Variants in P2RX6 observed in about 807,000 individuals in gnomAD.
P2RX6 encodes the protein purinergic receptor P2X 6.
P2RX6 carries 62 observed loss-of-function variants against 54.2 expected under a neutral mutation model. That is an observed-to-expected ratio of 1.14 (90% CI 0.93 to 1.41). P2RX6 has a LOEUF of 1.41. Among genes scored for constraint, P2RX6 ranks in the 40% most tolerant of loss-of-function variants. The pLI is 0.00. For synonymous variants in P2RX6, 211 were observed against 231.9 expected (o/e 0.91, Z 0.82); for missense variants, 541 against 566.3 (o/e 0.96, Z 0.45).
At chr22:21,021,155 C>G (rs569772197) in intron 3 of P2RX6, among the ~76,000 whole-genome samples, 1 of 150,978 alleles carries the variant, frequency 6.6e-6, no homozygotes, top group South Asian at 2.1e-4. Context: ...TCTTTTTTTT[C>G]CTGTAGCAAT....
chr22:21,016,041 G>A lies in P2RX6; in HGVS notation c.264G>A (p.Lys88=), dbSNP rs774593208. Residue 88 remains lysine, a synonymous_variant, in exon 2 of 12, where the codon AAG becomes AAA. Coordinates refer to ENST00000413302, the MANE Select transcript of P2RX6 (RefSeq NM_005446.5). ...AAGGGGTTTCCGTCACTCAGATCAA[G>A]GAGCTTGGAAACCGGCTGTGGGATG... The part of the protein sequence containing the change: ...KLKGVSVTQI[K]ELGNRLWDVA... The A allele has an allele frequency of 2.4e-4, 370 of 1,560,452 alleles. No individual in the cohort carries two copies. The highest frequency in any genetic ancestry group is 3.1e-4 in the Non-Finnish European group (363 of 1,153,020).
upstream of P2RX6, among the ~76,000 whole-genome samples, chr22:21,013,536 A>G (rs1412566303): frequency 6.6e-6 from 1 of 152,222 alleles, no homozygotes; most frequent in Non-Finnish European, 1.5e-5. Flanking sequence ...GCAGTGAGCT[A>G]TGATCCTGCC....
chr22:21,010,218 T>G (rs1925662812), upstream of P2RX6: 1 of 152,296 alleles, frequency 6.6e-6, no homozygotes, highest in South Asian at 2.1e-4. Flanking sequence ...ACCTCCCTCA[T>G]GTACATGTGT....
chr22:21,018,715 C>T (rs1283305667), intron 3 of P2RX6: 2 of 152,490 alleles, frequency 1.3e-5, no homozygotes, highest in Non-Finnish European at 2.9e-5. Flanking sequence ...CAGGTTCACG[C>T]CATTCTCCTG....
At chr22:21,011,652 C>T (rs1055214089), upstream of P2RX6, 3 of 695,810 alleles carry the variant, frequency 4.3e-6, no homozygotes, top group African/African-American at 1.8e-5. Flanking sequence ...CCCCCTCCCC[C>T]CTCTTCTGCC....
At position 21,026,645 on chromosome 22, in the gene P2RX6, G is replaced by T; in HGVS notation, c.*28G>T. 6.4e-7 allele frequency: 1 copy of T among 1,553,044 alleles called. No individual in the cohort carries two copies. Among genetic ancestry groups the T allele is most frequent in the Non-Finnish European group, 8.7e-7 (1 of 1,148,280 alleles). ...GTTCCCTGCTGGTTGAGAGTTGGGGGCTGGGAAGGGCGGGGCCCTGCCTGG... is the reference window on the plus strand; with the variant it reads ...GTTCCCTGCTGGTTGAGAGTTGGGGTCTGGGAAGGGCGGGGCCCTGCCTGG... On this transcript the variant is annotated 3_prime_UTR_variant, in exon 12 of 12. Coordinates refer to ENST00000413302, the MANE Select transcript of P2RX6 (RefSeq NM_005446.5). The surrounding 1 kb of genome is among the most constrained non-coding windows in gnomAD (Gnocchi z 4.0).
intron 8 of P2RX6, among the ~76,000 whole-genome samples, chr22:21,024,887 T>TTTG (rs1555942154): frequency 4.1e-5 from 6 of 147,288 alleles, no homozygotes; most frequent in South Asian, 2.2e-4. Flanking sequence ...TGTTTTTTTT[T>TTTG]TTTTTTTTTT....
At chr22:21,012,186 TC>T (rs1232195927), upstream of P2RX6, among the ~76,000 whole-genome samples, 1 of 152,086 alleles carries the variant, frequency 6.6e-6, no homozygotes, top group East Asian at 1.9e-4. Flanking sequence ...TTCTTGAACT[TC>T]CCCGCCCCCA....
chr22:21,025,930 G>A, intron 9 of P2RX6, 32 bp downstream of exon 9: 1 of 1,580,296 alleles, frequency 6.3e-7, no homozygotes, highest in African/African-American at 1.3e-5. Context: ...GCCGGGGATG[G>A]GATGGGGCAG....
rs1928356362 is a variant in P2RX6, at chr22:21,025,901, A to AGGCACAGGTAGGGGTCAGGCC, written c.984+6_984+26dup. 2 of 1,578,872 alleles carry AGGCACAGGTAGGGGTCAGGCC rather than the reference A, an allele frequency of 1.3e-6. No homozygotes were observed. Among genetic ancestry groups the AGGCACAGGTAGGGGTCAGGCC allele is most frequent in the Non-Finnish European group, 8.6e-7 (1 of 1,162,724 alleles). ...TCGACATCCTCGTCACCGGGCAGGT[A>AGGCACAGGTAGGGGTCAGGCC]GGCACAGGTAGGGGTCAGGCCGGGG... On this transcript the variant is annotated splice_donor_region_variant and intron_variant, in intron 9 of 11. Coordinates refer to ENST00000413302, the MANE Select transcript of P2RX6 (RefSeq NM_005446.5).
chr22:21,026,645 G>A lies in P2RX6; in HGVS notation c.*28G>A. ...GTTCCCTGCTGGTTGAGAGTTGGGG[G>A]CTGGGAAGGGCGGGGCCCTGCCTGG... On this transcript the variant is annotated 3_prime_UTR_variant, in exon 12 of 12. Transcript: ENST00000413302. This position sits in a 1 kb window ranked among gnomAD's most constrained non-coding sequence, Gnocchi z 4.0. 1.3e-6 allele frequency: 2 copies of A among 1,553,042 alleles called. No individual in the cohort carries two copies. The highest frequency in any genetic ancestry group is 2.4e-5 in the East Asian group (1 of 41,416).
At position 21,026,489 on chromosome 22, in the gene P2RX6, G is replaced by T. The variant is rs1409282234; in HGVS notation, c.1198G>T (p.Ala400Ser). Residue 400 changes from alanine (A) to serine (S), a missense_variant, in exon 12 of 12, where the codon GCC becomes TCC. Physicochemically the swap from Ala to Ser is moderately conservative, Grantham distance 99. Coordinates refer to ENST00000413302, the MANE Select transcript of P2RX6 (RefSeq NM_005446.5). The surrounding 1 kb of genome is among the most constrained non-coding windows in gnomAD (Gnocchi z 4.0). ...ELALASQARL[A>S]ECLRRSSAPA... The stretch of plus-strand genomic sequence containing the variant: ...GGCCCTTGCATCCCAAGCCCGACTG[G>T]CCGAGTGCCTCAGACGGAGCTCAGC... 3 of 1,599,852 alleles carry T rather than the reference G, an allele frequency of 1.9e-6. No homozygotes were observed. Among genetic ancestry groups the T allele is most frequent in the Non-Finnish European group, 8.5e-7 (1 of 1,173,884 alleles).
chr22:21,015,230 G>T lies in P2RX6; in HGVS notation c.56G>T (p.Gly19Val). 6.5e-7 allele frequency: 1 copy of T among 1,538,402 alleles called. No homozygotes were observed. The highest frequency in any genetic ancestry group is 8.7e-7 in the Non-Finnish European group (1 of 1,153,072). The change falls in exon 1 of 12, where the codon GGC (glycine) becomes GTC (valine). Residue 19 changes from glycine to valine, a missense_variant. Coordinates refer to ENST00000413302, the MANE Select transcript of P2RX6 (RefSeq NM_005446.5). ...GSMGSPGATT[G>V]WGLLDYKTEK... The stretch of plus-strand genomic sequence containing the variant: ...ATGGGCTCCCCAGGGGCTACGACAG[G>T]CTGGGGGCTTCTGGATTATAAGACG...
rs764055702 is a variant in P2RX6 at position 21,026,090 on chromosome 22, C to CT, written c.1050+15dup. On this transcript the variant is annotated intron_variant, in intron 10 of 11. Coordinates refer to ENST00000413302, the MANE Select transcript of P2RX6 (RefSeq NM_005446.5). The surrounding 1 kb of genome is among the most constrained non-coding windows in gnomAD (Gnocchi z 4.0). Reference sequence around the variant, plus strand: ...TGGCTGGGCGTGGTGAGTGCGAGCACTGTGGGCACCTGCAGGCTGCAGTGA... The same window carrying CT: ...TGGCTGGGCGTGGTGAGTGCGAGCACTTGTGGGCACCTGCAGGCTGCAGTGA... 5.4e-5 allele frequency: 87 copies of CT among 1,605,270 alleles called. No individual in the cohort carries two copies. Among genetic ancestry groups the CT allele is most frequent in the Middle Eastern group, 1.8e-4 (1 of 5,448 alleles).
intron 8 of P2RX6, 40 bp from the exon 9 acceptor site, chr22:21,025,765 G>A (rs1928320012): frequency 1.3e-6 from 2 of 1,488,498 alleles, no homozygotes; most frequent in South Asian, 1.2e-5. Flanking sequence ...ACCTGGGGGT[G>A]GGCAAAGCAG....
At position 21,023,053 on chromosome 22, in the gene P2RX6, C is replaced by A. The variant is rs773441273; in HGVS notation, c.557+18C>A. The A allele has an allele frequency of 3.7e-6, 6 of 1,611,700 alleles. No homozygotes were observed. The highest frequency in any genetic ancestry group is 5.1e-6 in the Non-Finnish European group (6 of 1,177,920). On this transcript the variant is annotated intron_variant, in intron 5 of 11. Transcript: ENST00000413302. The stretch of plus-strand genomic sequence containing the variant: ...GTGCCCTCGTAAGTGTCCCCACAAT[C>A]CCCTACCCCAACTGGCGCAGGGCCC...
At chr22:21,011,676 C>T (rs1425764915), upstream of P2RX6, 1 of 674,976 alleles carries the variant, frequency 1.5e-6, no homozygotes. Flanking sequence ...CCCCAAACCT[C>T]CAGGTCTGAG....
chr22:21,023,099 A>G lies in P2RX6; in HGVS notation c.558-19A>G. ...GGCCCCAGGCCTGGCAGAGGCTGTCACCTCCCTTCCACCTGCAGGAGGCCC... is the reference window on the plus strand; with the variant it reads ...GGCCCCAGGCCTGGCAGAGGCTGTCGCCTCCCTTCCACCTGCAGGAGGCCC... On this transcript the variant is annotated intron_variant, in intron 5 of 11. Transcript: ENST00000413302. 6.2e-7 allele frequency: 1 copy of G among 1,613,056 alleles called. No homozygotes were observed. Among genetic ancestry groups the G allele is most frequent in the South Asian group, 1.1e-5 (1 of 91,050 alleles).
intron 2 of P2RX6, among the ~76,000 whole-genome samples, chr22:21,017,707 C>T (rs1926632324): frequency 6.6e-6 from 1 of 152,104 alleles, no homozygotes; most frequent in Non-Finnish European, 1.5e-5. Context: ...GAAGTGTAAT[C>T]CTGTCTCTAA....
Sources: allele counts gnomAD v4.1 joint callset (sites outside exome capture counted in the v4.1 genomes callset), GRCh38; gene constraint gnomAD v4.1.1; non-coding constraint Gnocchi (gnomAD v3.1); transcripts MANE v1.5; gene names NCBI Gene and HGNC (gene_info 2026-07-23, HGNC 2026-07-21).